Variants in DTHD1 observed in about 807,000 individuals in gnomAD.
DTHD1 encodes death domain containing 1.
DTHD1 carries 59 observed loss-of-function variants against 74.8 expected under a neutral mutation model. That is an observed-to-expected ratio of 0.79 (90% CI 0.64 to 0.98). DTHD1 has a LOEUF of 0.98. DTHD1 is among the 50% of genes least tolerant of loss of function. The pLI, the probability that DTHD1 is intolerant of heterozygous loss-of-function variation, is 0.00. For synonymous variants in DTHD1, 365 were observed against 371.1 expected (o/e 0.98, Z 0.19); for missense variants, 1,051 against 1,065.4 (o/e 0.99, Z 0.19).
At chr4:36,307,209 T>C (rs780707957) in intron 6 of DTHD1, among the ~76,000 whole-genome samples, 16 of 152,196 alleles carry the variant, frequency 1.1e-4, no homozygotes, top group Admixed American at 7.2e-4. Context: ...AAGGCTGCTC[T>C]AACAATGTAC....
At chr4:36,302,649 T>C (rs995462066) in intron 5 of DTHD1, among the ~76,000 whole-genome samples, 2 of 152,130 alleles carry the variant, frequency 1.3e-5, no homozygotes, top group Non-Finnish European at 2.9e-5. Flanking sequence ...CATGTAGAAA[T>C]AAAAACTACC....
Position 36,332,673 on chromosome 4 carries a change from G to T in DTHD1, c.2341-6439G>T, listed in dbSNP as rs12508637. 7 of 152,164 alleles carry T rather than the reference G, an allele frequency of 4.6e-5. No homozygotes were observed. The South Asian group carries it at 1.5e-3, about 32-fold the overall frequency. 9.4% of individuals were successfully genotyped at this position (152,164 alleles called of 1,614,324 possible). On this transcript the variant is annotated intron_variant, in intron 8 of 9. Coordinates refer to ENST00000639862, the MANE Select transcript of DTHD1 (RefSeq NM_001170700.3). Reference sequence around the variant, plus strand: ...AGTCCCGGCCAGGCTGAAGCATTGAGCTTCTTTCCAGTCCCAAGCACTGTC... The same window carrying T: ...AGTCCCGGCCAGGCTGAAGCATTGATCTTCTTTCCAGTCCCAAGCACTGTC...
Position 36,290,423 on chromosome 4 carries a change from T to A in DTHD1, c.938T>A (p.Ile313Asn). ...ACTGGCCCCCAAGTGTCTTGTTATA[T>A]TACAGCACCATCATATGTTCTACAA... ...DVTGPQVSCYITAPSYVLQQL... is the reference protein window; with the variant it reads ...DVTGPQVSCYNTAPSYVLQQL... Residue 313 changes from isoleucine (I) to asparagine (N), a missense_variant, in exon 3 of 10, where the codon ATT becomes AAT. Ile to Asn is a moderately radical substitution (Grantham distance 149, BLOSUM62 -3). Coordinates refer to ENST00000639862, the MANE Select transcript of DTHD1 (RefSeq NM_001170700.3). 6.4e-7 allele frequency: 1 copy of A among 1,552,012 alleles called. No individual in the cohort carries two copies. The highest frequency in any genetic ancestry group is 1.2e-5 in the South Asian group (1 of 84,058).
Position 36,284,509 on chromosome 4 carries a change from G to A in DTHD1, c.805G>A (p.Asp269Asn). 2 of 1,536,438 alleles carry A rather than the reference G, an allele frequency of 1.3e-6. No individual in the cohort carries two copies. Among genetic ancestry groups the A allele is most frequent in the African/African-American group, 1.4e-5 (1 of 73,082 alleles). Residue 269 changes from aspartate to asparagine, a missense_variant, in exon 2 of 10, where the codon GAT becomes AAT. Transcript: ENST00000639862. ...GATGACCACATCCTCAATAATATGT[G>A]ATATCTCCAAGAAATATATAAATAG... is the stretch of plus-strand genomic sequence containing the variant. ...EEMTTSSIICDISKKYINSTL... is the reference protein window; with the variant it reads ...EEMTTSSIICNISKKYINSTL...
At position 36,339,129 on chromosome 4, in the gene DTHD1, C is replaced by T; in HGVS notation, c.2358C>T (p.Asn786=). 6.5e-7 allele frequency: 1 copy of T among 1,548,048 alleles called. No homozygotes were observed. Among genetic ancestry groups the T allele is most frequent in the South Asian group, 1.2e-5 (1 of 83,722 alleles). ...CCCAATAGCATAAGAAATTAATCAA[C>T]CGTCCACAGAGTACCAAAAGAGTTT... is the stretch of plus-strand genomic sequence containing the variant. ...LKLPKHKKLI[N]RPQSTKRVSK... Residue 786 remains asparagine, a synonymous_variant, in exon 9 of 10, where the codon AAC becomes AAT. Coordinates refer to ENST00000639862, the MANE Select transcript of DTHD1 (RefSeq NM_001170700.3).
intron 8 of DTHD1, among the ~76,000 whole-genome samples, chr4:36,337,427 A>G: frequency 6.6e-6 from 1 of 152,202 alleles, no homozygotes; most frequent in Non-Finnish European, 1.5e-5. Flanking sequence ...CTGTGAACAA[A>G]GAGTTATGGA....
At chr4:36,325,727 C>T (rs1758303878) in intron 8 of DTHD1, among the ~76,000 whole-genome samples, 1 of 152,148 alleles carries the variant, frequency 6.6e-6, no homozygotes, top group Non-Finnish European at 1.5e-5. Flanking sequence ...TCTCAGTACA[C>T]TGGTTTGAGC....
At chr4:36,339,272 C>A in intron 9 of DTHD1, 103 bp downstream of exon 9, 1 of 780,406 alleles carries the variant, frequency 1.3e-6, no homozygotes, top group South Asian at 2.5e-5. Flanking sequence ...AAGTGACTTT[C>A]CAATCAAACA....
intron 9 of DTHD1, among the ~76,000 whole-genome samples, chr4:36,341,920 A>G (rs1427964255): frequency 6.6e-6 from 1 of 152,220 alleles, no homozygotes; most frequent in Non-Finnish European, 1.5e-5. Context: ...ACTAGAGGCC[A>G]TGGAATATGT....
chr4:36,344,932 AC>A lies in DTHD1; in HGVS notation c.*1110del, dbSNP rs766308173. ...GGTGGTAGTAACTCACTTTAAAAAAACCTTTCTAAGCTCGAAATAAATTAAA... is the reference window on the plus strand; with the variant it reads ...GGTGGTAGTAACTCACTTTAAAAAAACTTTCTAAGCTCGAAATAAATTAAA... On this transcript the variant is annotated 3_prime_UTR_variant, in exon 10 of 10. Transcript: ENST00000639862. 2 of 152,196 alleles carry A rather than the reference AC, an allele frequency of 1.3e-5. No homozygotes were observed. Among genetic ancestry groups the A allele is most frequent in the South Asian group, 4.1e-4 (2 of 4,830 alleles). 9.4% of individuals were successfully genotyped at this position (152,196 alleles called of 1,614,324 possible).
rs181511540 is a variant in DTHD1 at position 36,288,349 on chromosome 4, C to T, written c.888-2024C>T. 6.6e-5 allele frequency among the ~76,000 whole-genome samples: 10 copies of T among 152,304 alleles called. No individual in the cohort carries two copies. In the South Asian group the frequency reaches 1.4e-3, roughly 22 times the overall value. ...TTGACCTCAGGTGATCCTTCCGCTTCGGTCTCCCAAAGTGCTGAGATTACA... is the reference window on the plus strand; with the variant it reads ...TTGACCTCAGGTGATCCTTCCGCTTTGGTCTCCCAAAGTGCTGAGATTACA... On this transcript the variant is annotated intron_variant, in intron 2 of 9. Coordinates refer to ENST00000639862, the MANE Select transcript of DTHD1 (RefSeq NM_001170700.3).
chr4:36,323,204 G>A (rs1758139707), intron 8 of DTHD1, among the ~76,000 whole-genome samples: 3 of 152,102 alleles, frequency 2.0e-5, no homozygotes, highest in Admixed American at 6.5e-5. Context: ...CTCCTGACAT[G>A]TGATTTCTAG....
At chr4:36,317,459 C>G (rs1394167862) in intron 8 of DTHD1, among the ~76,000 whole-genome samples, 1 of 152,084 alleles carries the variant, frequency 6.6e-6, no homozygotes, top group African/African-American at 2.4e-5. Context: ...AGACTCAGTA[C>G]AAATAATATA....
At chr4:36,303,968 G>C in intron 5 of DTHD1, among the ~76,000 whole-genome samples, 1 of 152,094 alleles carries the variant, frequency 6.6e-6, no homozygotes, top group East Asian at 1.9e-4. Flanking sequence ...TCATTTACTG[G>C]AACTAGTCAC....
chr4:36,329,371 T>C (rs7689919), intron 8 of DTHD1, among the ~76,000 whole-genome samples: 111,123 of 152,098 alleles, frequency 0.73, 41,386 homozygotes, highest in African/African-American at 0.86. Context: ...CACTTCTGAA[T>C]AGTTTAGTGT....
rs747495157 is a variant in DTHD1, at chr4:36,284,328, G to A, written c.624G>A (p.Gln208=). 6.4e-5 allele frequency: 98 copies of A among 1,537,138 alleles called. No homozygotes were observed. The Middle Eastern group carries it at 1.0e-3, about 16-fold the overall frequency. The change falls in exon 2 of 10, where the codon CAG becomes CAA. Residue 208 remains glutamine (Q), a synonymous_variant. Transcript: ENST00000639862. Reference sequence around the variant, plus strand: ...GTGTACTGGGGCAAGAAGAGTCACAGAATAAAATGTTCCCAGATAATGCAG... The same window carrying A: ...GTGTACTGGGGCAAGAAGAGTCACAAAATAAAATGTTCCCAGATAATGCAG... The part of the protein sequence containing the change: ...NGRVLGQEES[Q]NKMFPDNAEN...
rs370076682 is a variant in DTHD1 at position 36,344,012 on chromosome 4, C to T, written c.*188C>T. On this transcript the variant is annotated 3_prime_UTR_variant, in exon 10 of 10. Transcript: ENST00000639862. The stretch of plus-strand genomic sequence containing the variant: ...AATAGAAAGCATTCCTGGGTGTGAG[C>T]GCTCCTCTCTGGTTGAGTGATTATG... 8.1e-6 allele frequency: 5 copies of T among 615,142 alleles called. No individual in the cohort carries two copies. The highest frequency in any genetic ancestry group is 3.8e-4 in the Middle Eastern group (1 of 2,620). The allele number at this position is 615,142 out of a possible 1,614,324, so 38.1% of individuals were successfully genotyped here. A position where few individuals can be genotyped will look rare whatever the true frequency, so the allele number is the denominator to read the frequency against.
chr4:36,283,741 G>A, intron 1 of DTHD1: 1 of 516,000 alleles, frequency 1.9e-6, no homozygotes, highest in Non-Finnish European at 3.4e-6. Context: ...AAGCAAGAGG[G>A]ATTAGATTTA....
At chr4:36,290,215 C>A (rs1161657551) in intron 2 of DTHD1, among the ~76,000 whole-genome samples, 158 bp from the exon 3 acceptor site, 4 of 152,120 alleles carry the variant, frequency 2.6e-5, no homozygotes, top group African/African-American at 9.7e-5. Flanking sequence ...GAAACTGAGG[C>A]ACAGAGAGGC....
Sources: gnomAD v4.1 joint callset for allele counts (sites outside exome capture counted in the v4.1 genomes callset) on GRCh38, gnomAD v4.1.1 for gene constraint, MANE v1.5 for transcripts, NCBI Gene and HGNC (gene_info 2026-07-23, HGNC 2026-07-21) for gene names.